Variants in PCCA observed in about 807,000 individuals in gnomAD.
PCCA encodes the protein propionyl-CoA carboxylase alpha chain, mitochondrial.
Under a neutral mutation model 101.3 loss-of-function variants are expected in PCCA, and 74 were observed. The observed-to-expected ratio is 0.73, with a 90% CI of 0.61 to 0.89. The LOEUF (loss-of-function observed/expected upper bound fraction) is 0.89, where lower values mean the gene tolerates loss of function less well. Among genes scored for constraint, PCCA ranks in the 40% least tolerant of loss-of-function variants. PCCA has a pLI of 0.00. For missense variants in PCCA, 891 were observed against 907.0 expected, an observed-to-expected ratio of 0.98 and a Z score of 0.23; for synonymous variants, 294 against 313.6, an observed-to-expected ratio of 0.94 and a Z score of 0.66.
intron 11 of PCCA, among the ~76,000 whole-genome samples, chr13:100,270,388 G>A (rs1461757490): frequency 6.6e-6 from 1 of 152,142 alleles, no homozygotes; most frequent in Admixed American, 6.5e-5. Context: ...CACATGTCTT[G>A]CAATTTTCTG....
chr13:100,123,579 T>C (rs1416093260), intron 4 of PCCA, among the ~76,000 whole-genome samples: 2 of 151,916 alleles, frequency 1.3e-5, no homozygotes, highest in African/African-American at 4.8e-5. Context: ...AACCGATTTT[T>C]AAAAATGCTC....
intron 6 of PCCA, among the ~76,000 whole-genome samples, chr13:100,190,882 G>C (rs1420582890): frequency 6.6e-6 from 1 of 152,146 alleles, no homozygotes; most frequent in Non-Finnish European, 1.5e-5. Context: ...TGGATCATGA[G>C]GTCAGGAATT....
chr13:100,466,859 A>AAAATC (rs1555306794), intron 21 of PCCA, among the ~76,000 whole-genome samples: 1 of 151,782 alleles, frequency 6.6e-6, no homozygotes, highest in African/African-American at 2.4e-5. Context: ...GTCCGTCTCA[A>AAAATC]AAAACAAAAC....
chr13:100,176,005 A>T (rs780828882), intron 6 of PCCA, among the ~76,000 whole-genome samples: 1 of 152,192 alleles, frequency 6.6e-6, no homozygotes, highest in Non-Finnish European at 1.5e-5. Context: ...GCCAAGTCTG[A>T]TCGTTATGCA....
chr13:100,205,101 GT>G (rs1490329687), intron 6 of PCCA, among the ~76,000 whole-genome samples: 2 of 152,164 alleles, frequency 1.3e-5, no homozygotes, highest in Non-Finnish European at 2.9e-5. Flanking sequence ...AACAAATTTA[GT>G]TGCTATTGCA....
intron 1 of PCCA, among the ~76,000 whole-genome samples, chr13:100,096,683 A>C (rs751263481): frequency 1.3e-5 from 2 of 152,222 alleles, no homozygotes; most frequent in Non-Finnish European, 2.9e-5. Flanking sequence ...TACTCCAGTG[A>C]GCGCACAACT....
intron 6 of PCCA, among the ~76,000 whole-genome samples, chr13:100,187,953 T>G (rs2057427974): frequency 6.8e-6 from 1 of 146,588 alleles, no homozygotes; most frequent in South Asian, 2.4e-4. Flanking sequence ...TTCCTATACC[T>G]TTGCCTCCTC....
intron 16 of PCCA, among the ~76,000 whole-genome samples, chr13:100,319,095 G>A (rs1228576956): frequency 6.6e-6 from 1 of 152,176 alleles, no homozygotes; most frequent in Non-Finnish European, 1.5e-5. Flanking sequence ...GTGATGATGA[G>A]CATTTTTTCA....
intron 12 of PCCA, among the ~76,000 whole-genome samples, chr13:100,276,508 A>G (rs113889476): frequency 0.04 from 6,148 of 152,144 alleles, 199 homozygotes; most frequent in Non-Finnish European, 0.057. Context: ...CTCCACCATT[A>G]TTACTTCTGG....
chr13:100,320,785 T>C (rs2067945149), intron 16 of PCCA, among the ~76,000 whole-genome samples: 1 of 152,206 alleles, frequency 6.6e-6, no homozygotes, highest in African/African-American at 2.4e-5. Flanking sequence ...AGGGCCTCTC[T>C]GTATTGCCTA....
At chr13:100,191,554 G>C (rs1362826940) in intron 6 of PCCA, among the ~76,000 whole-genome samples, 2 of 152,214 alleles carry the variant, frequency 1.3e-5, no homozygotes, top group African/African-American at 2.4e-5. Context: ...GTATATGGTG[G>C]AACTGGAGTG....
chr13:100,488,282 A>G (rs1248746471), intron 21 of PCCA, among the ~76,000 whole-genome samples: 1 of 152,046 alleles, frequency 6.6e-6, no homozygotes, highest in African/African-American at 2.4e-5. Flanking sequence ...TAGTAGAGAC[A>G]GGGTTTCTCC....
At chr13:100,301,417 A>C (rs745664516) in intron 12 of PCCA, 43 bp from the exon 13 acceptor site, 1 of 1,609,378 alleles carries the variant, frequency 6.2e-7, no homozygotes, top group African/African-American at 1.3e-5. Flanking sequence ...CTATTTATTT[A>C]CCCTTTTCTA....
At chr13:100,100,787 CTT>C (rs35809308) in intron 1 of PCCA, among the ~76,000 whole-genome samples, 82 of 144,160 alleles carry the variant, frequency 5.7e-4, no homozygotes, top group Admixed American at 6.9e-4. Context: ...TCTACTTCTT[CTT>C]TTTTTTTTTT....
chr13:100,143,930 A>C (rs1239127194), intron 4 of PCCA, among the ~76,000 whole-genome samples: 1 of 151,170 alleles, frequency 6.6e-6, no homozygotes, highest in African/African-American at 2.4e-5. Context: ...AATTAAGAGA[A>C]ATTTTTTTTT....
At chr13:100,257,407 T>A (rs1045873265) in intron 8 of PCCA, among the ~76,000 whole-genome samples, 188 bp from the exon 9 acceptor site, 2 of 152,138 alleles carry the variant, frequency 1.3e-5, no homozygotes, top group African/African-American at 2.4e-5. Context: ...ATGGTCACAC[T>A]CTCATTTTTT....
At chr13:100,416,971 G>T (rs746777427) in intron 19 of PCCA, among the ~76,000 whole-genome samples, 2 of 151,910 alleles carry the variant, frequency 1.3e-5, no homozygotes, top group Non-Finnish European at 2.9e-5. Context: ...AGCCTCCCGA[G>T]TAGCTGGGAT....
chr13:100,467,378 C>T (rs984114806), intron 21 of PCCA, among the ~76,000 whole-genome samples: 4 of 151,932 alleles, frequency 2.6e-5, no homozygotes, highest in African/African-American at 9.7e-5. Flanking sequence ...GGAGTGGGCA[C>T]ATTCTTTTTT....
intron 12 of PCCA, among the ~76,000 whole-genome samples, chr13:100,290,679 T>TTTC (rs1289305786): frequency 6.6e-6 from 1 of 152,234 alleles, no homozygotes; most frequent in East Asian, 1.9e-4. Context: ...TATTTAACTA[T>TTTC]TTCCTTCCAT....
Sources: allele counts gnomAD v4.1 joint callset (sites outside exome capture counted in the v4.1 genomes callset), GRCh38; gene constraint gnomAD v4.1.1; transcripts MANE v1.5; gene names NCBI Gene and HGNC (gene_info 2026-07-23, HGNC 2026-07-21).